Variants in DLC1 observed in about 807,000 individuals in gnomAD.
DLC1 encodes DLC1 Rho GTPase activating protein.
DLC1 carries 54 observed loss-of-function variants against 140.3 expected under a neutral mutation model. The ratio of observed to expected loss-of-function variants is 0.38; its 90% CI spans 0.31 to 0.48. DLC1 has a LOEUF of 0.48. DLC1 is among the 20% of genes least tolerant of loss of function. The pLI, the probability that DLC1 is intolerant of heterozygous loss-of-function variation, is 0.96. For missense variants in DLC1, 2,536 were observed against 1,907.0 expected, an observed-to-expected ratio of 1.33 and a Z score of -6.14; for synonymous variants, 986 against 728.1, an observed-to-expected ratio of 1.35 and a Z score of -5.70.
intron 5 of DLC1, among the ~76,000 whole-genome samples, chr8:13,130,378 G>C (rs984734471): frequency 5.3e-5 from 8 of 152,146 alleles, no homozygotes; most frequent in Non-Finnish European, 1.2e-4. Context: ...ATAGCTTGTT[G>C]AATCACAACA....
At chr8:13,107,644 G>A (rs532508545) in intron 7 of DLC1, among the ~76,000 whole-genome samples, 95 of 152,334 alleles carry the variant, frequency 6.2e-4, no homozygotes, top group Admixed American at 4.9e-3. Context: ...CATAGGCCAA[G>A]AAGGTATTTG....
rs752691367 is a variant in DLC1 at position 13,388,867 on chromosome 8, A to AT, written c.1314+4685dup. 1.6e-4 allele frequency among the ~76,000 whole-genome samples: 24 copies of AT among 151,914 alleles called. No individual in the cohort carries two copies. In the East Asian group the frequency reaches 1.9e-3, roughly 12 times the overall value. On this transcript the variant is annotated intron_variant, in intron 4 of 17. Coordinates refer to ENST00000276297, the MANE Select transcript of DLC1 (RefSeq NM_182643.3). ...TACACTATGCTTGGAGGAGCCAGCC[A>AT]TTTTTTTTATTGTTCAGTAAAACTC...
intron 5 of DLC1, among the ~76,000 whole-genome samples, chr8:13,290,879 A>G (rs1831730079): frequency 6.6e-6 from 1 of 152,158 alleles, no homozygotes; most frequent in African/African-American, 2.4e-5. Context: ...GTAGCTTGGT[A>G]GAGTGGCCAG....
chr8:13,118,428 A>G (rs902964084), intron 5 of DLC1, among the ~76,000 whole-genome samples: 2 of 152,200 alleles, frequency 1.3e-5, no homozygotes, highest in African/African-American at 4.8e-5. Flanking sequence ...AAAAAATGAC[A>G]ATTTGTCTTT....
chr8:13,547,245 G>T (rs1803683280), intron 1 of DLC1, among the ~76,000 whole-genome samples: 1 of 151,914 alleles, frequency 6.6e-6, no homozygotes, highest in African/African-American at 2.4e-5. Context: ...AATATTTTTA[G>T]TAATTATTAC....
intron 1 of DLC1, among the ~76,000 whole-genome samples, chr8:13,532,315 G>C (rs573999422): frequency 6.6e-6 from 1 of 152,288 alleles, no homozygotes; most frequent in South Asian, 2.1e-4. Context: ...GAAGAGGCTT[G>C]CTTTCCCTGA....
intron 5 of DLC1, among the ~76,000 whole-genome samples, chr8:13,157,893 T>C (rs538028273): frequency 6.6e-6 from 1 of 152,304 alleles, no homozygotes; most frequent in African/African-American, 2.4e-5. Context: ...ACAACAAAAA[T>C]AAAGCACATT....
chr8:13,202,628 T>G (rs1432724834), intron 5 of DLC1, among the ~76,000 whole-genome samples: 1 of 152,178 alleles, frequency 6.6e-6, no homozygotes, highest in Non-Finnish European at 1.5e-5. Flanking sequence ...ACTGTGACTT[T>G]ACTTTTATCA....
At position 13,271,157 on chromosome 8, in the gene DLC1, A is replaced by G. The variant is rs116112149; in HGVS notation, c.1348+34112T>C. Among the ~76,000 whole-genome samples, 569 of 152,310 alleles carry G rather than the reference A, an allele frequency of 3.7e-3. 6 individuals are homozygous for G. Among genetic ancestry groups the G allele is most frequent in the African/African-American group, 0.013 (520 of 41,562 alleles). ...AATCTAGATACATGTTCACATTGCA[A>G]TATCTCACGAAGCTTCCCTAACGGT... On this transcript the variant is annotated intron_variant, in intron 5 of 17. Coordinates refer to ENST00000276297, the MANE Select transcript of DLC1 (RefSeq NM_182643.3).
intron 5 of DLC1, among the ~76,000 whole-genome samples, chr8:13,284,856 A>G (rs1300289986): frequency 6.6e-6 from 1 of 152,236 alleles, no homozygotes; most frequent in African/African-American, 2.4e-5. Flanking sequence ...CTGAAAAACT[A>G]CAAAATATTG....
chr8:13,200,779 G>C (rs1470848689), intron 5 of DLC1, among the ~76,000 whole-genome samples: 1 of 151,914 alleles, frequency 6.6e-6, no homozygotes, highest in Non-Finnish European at 1.5e-5. Context: ...ATTGTTTTTT[G>C]TGGAGATGGG....
chr8:13,092,755 C>T lies in DLC1; in HGVS notation c.3597G>A (p.Glu1199=). 2 of 1,614,140 alleles carry T rather than the reference C, an allele frequency of 1.2e-6. No individual in the cohort carries two copies. Among genetic ancestry groups the T allele is most frequent in the Non-Finnish European group, 1.7e-6 (2 of 1,180,022 alleles). The change falls in exon 13 of 18, where the codon GAG becomes GAA. Residue 1199 remains glutamate, a synonymous_variant. Coordinates refer to ENST00000276297, the MANE Select transcript of DLC1 (RefSeq NM_182643.3). ...AIMLLPDENR[E]VLQTLLYFLS... is the part of the protein sequence containing the mutation. ...GGAAATAAAGCAGGGTCTGCAGAAC[C>T]TCCCGGTTCTCGTCAGGCAGCAGCA...
rs529234018 is a variant in DLC1 at position 13,392,946 on chromosome 8, C to T, written c.1314+607G>A. Reference sequence around the variant, plus strand: ...TTTCACTAAGCACTTTTTATATGTGCTCTTTCATTTAATTCCCACAGAAAA... The same window carrying T: ...TTTCACTAAGCACTTTTTATATGTGTTCTTTCATTTAATTCCCACAGAAAA... On this transcript the variant is annotated intron_variant, in intron 4 of 17. Transcript: ENST00000276297. 4.0e-4 allele frequency among the ~76,000 whole-genome samples: 61 copies of T among 152,230 alleles called. No individual in the cohort carries two copies. In the South Asian group the frequency reaches 9.1e-3, roughly 23 times the overall value.
chr8:13,308,755 G>A (rs1294417187), intron 4 of DLC1, among the ~76,000 whole-genome samples: 3 of 152,142 alleles, frequency 2.0e-5, no homozygotes, highest in Non-Finnish European at 4.4e-5. Flanking sequence ...TAAAAAGAGT[G>A]CGAAGAATAT....
At chr8:13,243,808 C>T (rs1161115481) in intron 5 of DLC1, among the ~76,000 whole-genome samples, 5 of 152,202 alleles carry the variant, frequency 3.3e-5, no homozygotes, top group Non-Finnish European at 5.9e-5. Flanking sequence ...TGCTCTCTGT[C>T]TTTCCATGTA....
At chr8:13,192,393 C>G (rs755186580) in intron 5 of DLC1, among the ~76,000 whole-genome samples, 1 of 152,110 alleles carries the variant, frequency 6.6e-6, no homozygotes, top group East Asian at 1.9e-4. Flanking sequence ...TGACTTAGAA[C>G]GAGAAAAGAA....
upstream of DLC1, among the ~76,000 whole-genome samples, chr8:13,519,096 C>T (rs1802684398): frequency 6.6e-6 from 1 of 151,854 alleles, no homozygotes; most frequent in African/African-American, 2.4e-5. Flanking sequence ...CCCCCATCAA[C>T]TCGTTATTTA....
chr8:13,110,210 G>C (rs767280261), intron 7 of DLC1, among the ~76,000 whole-genome samples: 1 of 152,108 alleles, frequency 6.6e-6, no homozygotes, highest in African/African-American at 2.4e-5. Context: ...CAATGATCAA[G>C]AATTTCTGAC....
intron 5 of DLC1, among the ~76,000 whole-genome samples, chr8:13,289,937 G>A (rs1172614146): frequency 1.3e-5 from 2 of 152,090 alleles, no homozygotes; most frequent in Non-Finnish European, 2.9e-5. Context: ...TGGCAAATAT[G>A]TGCAACCATA....
Sources: gnomAD v4.1 joint callset for allele counts (sites outside exome capture counted in the v4.1 genomes callset) on GRCh38, gnomAD v4.1.1 for gene constraint, MANE v1.5 for transcripts, NCBI Gene and HGNC (gene_info 2026-07-23, HGNC 2026-07-21) for gene names.